The following ADAMTS3 variants were observed in gnomAD, a reference collection of about 807,000 sequenced individuals.
ADAMTS3 encodes the protein ADAM metallopeptidase with thrombospondin type 1 motif 3, also known as A disintegrin and metalloproteinase with thrombospondin motifs 3.
A neutral mutation model predicts 129.0 loss-of-function variants in ADAMTS3; 73 were observed. The observed-to-expected ratio is 0.57, with a 90% CI of 0.47 to 0.69. The LOEUF (loss-of-function observed/expected upper bound fraction) is 0.69, where lower values mean the gene tolerates loss of function less well. ADAMTS3 is among the 30% of genes least tolerant of loss of function. ADAMTS3 has a pLI of 0.00. For missense variants in ADAMTS3, 1,457 were observed against 1,514.5 expected (o/e 0.96, Z 0.63); for synonymous variants, 477 against 510.8 (o/e 0.93, Z 0.89).
intron 3 of ADAMTS3, among the ~76,000 whole-genome samples, chr4:72,447,606 T>A (rs1718292702): frequency 6.6e-6 from 1 of 151,768 alleles, no homozygotes; most frequent in African/African-American, 2.4e-5. Flanking sequence ...CAAAAACAAG[T>A]GAGGCTTTGA....
chr4:72,458,305 G>T (rs187121047), intron 3 of ADAMTS3, among the ~76,000 whole-genome samples: 112 of 151,444 alleles, frequency 7.4e-4, no homozygotes, highest in African/African-American at 2.7e-3. Flanking sequence ...GTCTCTCTCT[G>T]TCTTTAAAAT....
In ADAMTS3 at chr4:72,312,389, T is replaced by A. The variant is rs746056343; in HGVS notation, c.1823A>T (p.His608Leu). ...QLCNTEECQK[H>L]FEDFRAQQCQ... The stretch of plus-strand genomic sequence containing the variant: ...CTGCTGTGCTCTGAAGTCCTCAAAG[T>A]GTTTTTGGCATTCTTCTGTGTTACA... The change falls in exon 13 of 22, where the codon CAC (histidine) becomes CTC (leucine). Residue 608 changes from histidine to leucine, a missense_variant. Physicochemically the swap from His to Leu is moderately conservative, Grantham distance 99. Transcript: ENST00000286657. The A allele has an allele frequency of 6.2e-7, 1 of 1,613,774 alleles. No individual in the cohort carries two copies.
intron 4 of ADAMTS3, among the ~76,000 whole-genome samples, chr4:72,390,118 T>C (rs973584529): frequency 6.6e-6 from 1 of 152,146 alleles, no homozygotes; most frequent in African/African-American, 2.4e-5. Context: ...ATCTCAAGTG[T>C]ACTAGAGGGG....
In ADAMTS3 at chr4:72,339,665, T is replaced by G. The variant is rs373627945; in HGVS notation, c.690A>C (p.Leu230=). 1.8e-5 allele frequency: 29 copies of G among 1,613,806 alleles called. 1 individual carries two copies. The highest frequency in any genetic ancestry group is 1.1e-4 in the East Asian group (5 of 44,854). The part of the protein sequence containing the change: ...RESDLEGLDD[L]GTVYGNIHQQ... ...GGTGGATGTTGCCATAAACAGTACCTAGATCATCAAGGCCTTCCAGGTCCG... is the reference window on the plus strand; with the variant it reads ...GGTGGATGTTGCCATAAACAGTACCGAGATCATCAAGGCCTTCCAGGTCCG... The change falls in exon 5 of 22, where the codon CTA becomes CTC. Residue 230 remains leucine (L), a synonymous_variant. Transcript: ENST00000286657.
intron 18 of ADAMTS3, among the ~76,000 whole-genome samples, chr4:72,296,795 A>G (rs1308167322): frequency 6.6e-6 from 1 of 152,082 alleles, no homozygotes; most frequent in African/African-American, 2.4e-5. Flanking sequence ...AGTTGTCCCT[A>G]TCATGTTATT....
At chr4:72,480,202 C>T (rs367812915) in intron 3 of ADAMTS3, among the ~76,000 whole-genome samples, 208 of 152,156 alleles carry the variant, frequency 1.4e-3, no homozygotes, top group African/African-American at 4.7e-3. Flanking sequence ...TGGGTATATA[C>T]CCAAAGGACT....
chr4:72,456,704 C>T (rs1718630313), intron 3 of ADAMTS3, among the ~76,000 whole-genome samples: 1 of 151,418 alleles, frequency 6.6e-6, no homozygotes, highest in Admixed American at 6.6e-5. Flanking sequence ...TTCCCCTAAG[C>T]TAACATTTGG....
intron 3 of ADAMTS3, among the ~76,000 whole-genome samples, chr4:72,474,743 T>C (rs1367080126): frequency 1.3e-5 from 2 of 152,166 alleles, no homozygotes; most frequent in East Asian, 3.9e-4. Context: ...AATAGAATTC[T>C]AGGCCGGGCG....
chr4:72,354,398 A>G (rs1720521422), intron 4 of ADAMTS3, among the ~76,000 whole-genome samples: 1 of 151,982 alleles, frequency 6.6e-6, no homozygotes, highest in East Asian at 1.9e-4. Flanking sequence ...GCTTTCTTCA[A>G]CAGAGTGAAT....
At chr4:72,365,397 A>C (rs1276695636) in intron 4 of ADAMTS3, among the ~76,000 whole-genome samples, 1 of 152,154 alleles carries the variant, frequency 6.6e-6, no homozygotes, top group Non-Finnish European at 1.5e-5. Flanking sequence ...ATGTTTTCTA[A>C]AACTCTTCAT....
In ADAMTS3 at chr4:72,450,922, G is replaced by A. The variant is rs575249578; in HGVS notation, c.505-35951C>T. ...AAAGAGGAGGAGGAGGAGGAGAGCA[G>A]GGAAGGAAGGAAGGAAGGAAGGAAG... is the stretch of plus-strand genomic sequence containing the variant. On this transcript the variant is annotated intron_variant, in intron 3 of 21. Transcript: ENST00000286657. Among the ~76,000 whole-genome samples, 71 of 144,328 alleles carry A rather than the reference G, an allele frequency of 4.9e-4. 1 individual carries two copies. In the East Asian group the frequency reaches 9.0e-3, roughly 18 times the overall value. 94.7% of individuals were successfully genotyped at this position (144,328 alleles called of 152,430 possible).
chr4:72,299,649 G>A (rs764830095), intron 17 of ADAMTS3, among the ~76,000 whole-genome samples: 1 of 152,030 alleles, frequency 6.6e-6, no homozygotes, highest in Non-Finnish European at 1.5e-5. Flanking sequence ...GACACTACAT[G>A]TTACATAATT....
At chr4:72,424,916 T>C (rs920294296) in intron 3 of ADAMTS3, among the ~76,000 whole-genome samples, 2 of 152,110 alleles carry the variant, frequency 1.3e-5, no homozygotes, top group African/African-American at 4.8e-5. Context: ...TTTTCTCTTC[T>C]TGCTGACTTA....
At position 72,282,228 on chromosome 4, in the gene ADAMTS3, A is replaced by G. The variant is rs1031656460; in HGVS notation, c.*908T>C. On this transcript the variant is annotated 3_prime_UTR_variant, in exon 22 of 22. Coordinates refer to ENST00000286657, the MANE Select transcript of ADAMTS3 (RefSeq NM_014243.3). ...AATTAAAAAAGAACACACACACACA[A>G]AAACAAAGGACACCTCAACGGTGCC... The G allele has an allele frequency of 1.3e-5, 2 of 152,142 alleles. No individual in the cohort carries two copies. The highest frequency in any genetic ancestry group is 2.9e-5 in the Non-Finnish European group (2 of 68,020). 9.4% of individuals were successfully genotyped at this position (152,142 alleles called of 1,614,324 possible).
At chr4:72,505,033 A>C (rs1287699544) in intron 3 of ADAMTS3, among the ~76,000 whole-genome samples, 2 of 152,062 alleles carry the variant, frequency 1.3e-5, no homozygotes. Flanking sequence ...CTTGCAATCC[A>C]CGTTTTACAT....
chr4:72,486,396 G>A (rs973270356), intron 3 of ADAMTS3, among the ~76,000 whole-genome samples: 2 of 152,122 alleles, frequency 1.3e-5, no homozygotes, highest in Non-Finnish European at 2.9e-5. Context: ...GCTCAGTCTT[G>A]TACAGAGAGG....
At chr4:72,516,550 A>G (rs998620896) in intron 3 of ADAMTS3, among the ~76,000 whole-genome samples, 2 of 152,024 alleles carry the variant, frequency 1.3e-5, no homozygotes, top group Non-Finnish European at 2.9e-5. Flanking sequence ...GAGGTCCTTC[A>G]TGTCCCTTGT....
chr4:72,411,419 C>T (rs1176914938), intron 4 of ADAMTS3, among the ~76,000 whole-genome samples: 1 of 152,034 alleles, frequency 6.6e-6, no homozygotes, highest in African/African-American at 2.4e-5. Flanking sequence ...GACATAAAGT[C>T]CTCCTTATCT....
At chr4:72,336,759 T>A (rs1050002198) in intron 5 of ADAMTS3, among the ~76,000 whole-genome samples, 8 of 152,062 alleles carry the variant, frequency 5.3e-5, no homozygotes, top group Admixed American at 2.0e-4. Context: ...TAATTAAAAA[T>A]TCTATGCTGT....
Sources: allele counts gnomAD v4.1 joint callset (sites outside exome capture counted in the v4.1 genomes callset), GRCh38; gene constraint gnomAD v4.1.1; transcripts MANE v1.5; gene names NCBI Gene and HGNC (gene_info 2026-07-23, HGNC 2026-07-21).